The following RBPJ variants were observed in gnomAD, a reference collection of about 807,000 sequenced individuals.
RBPJ encodes the protein recombining binding protein suppressor of hairless.
In RBPJ, 9 loss-of-function variants were observed where a neutral mutation model predicts 67.8. The observed-to-expected ratio is 0.13, with a 90% CI of 0.08 to 0.23. The LOEUF (loss-of-function observed/expected upper bound fraction) is 0.23, where lower values mean the gene tolerates loss of function less well. RBPJ is among the 10% of genes least tolerant of loss of function. The pLI, the probability that RBPJ is intolerant of heterozygous loss-of-function variation, is 1.00. For missense variants in RBPJ, 305 were observed against 595.6 expected, an observed-to-expected ratio of 0.51 and a Z score of 5.08; for synonymous variants, 198 against 203.3, an observed-to-expected ratio of 0.97 and a Z score of 0.22.
intron 2 of RBPJ, among the ~76,000 whole-genome samples, chr4:26,394,098 C>T (rs1028443423): frequency 2.7e-5 from 4 of 150,328 alleles, no homozygotes; most frequent in Non-Finnish European, 5.9e-5. Context: ...GCGATCTCTG[C>T]TCATTGCAAG....
At chr4:26,261,581 C>T (rs990220912) in intron 1 of RBPJ, among the ~76,000 whole-genome samples, 1 of 152,040 alleles carries the variant, frequency 6.6e-6, no homozygotes, top group African/African-American at 2.4e-5. Flanking sequence ...TTTTTGACAA[C>T]GTTGCAAAAT....
intron 1 of RBPJ, among the ~76,000 whole-genome samples, chr4:26,295,387 A>G (rs1456367865): frequency 6.6e-6 from 1 of 152,100 alleles, no homozygotes; most frequent in Non-Finnish European, 1.5e-5. Flanking sequence ...CATTGTAAGT[A>G]GTTAATGCTA....
upstream of RBPJ, among the ~76,000 whole-genome samples, chr4:26,160,972 G>T (rs1354043341): frequency 1.3e-5 from 2 of 152,210 alleles, no homozygotes; most frequent in Non-Finnish European, 2.9e-5. Flanking sequence ...TCTGGATGAT[G>T]ATGGTAATTG....
intron 1 of RBPJ, among the ~76,000 whole-genome samples, chr4:26,337,435 GCT>G (rs1025757347): frequency 3.9e-5 from 6 of 151,920 alleles, no homozygotes; most frequent in African/African-American, 1.4e-4. Context: ...TCTTCTTGTT[GCT>G]TGGGTGGTTA....
chr4:26,105,936 T>C, the RBPJ span, among the ~76,000 whole-genome samples: 2 of 152,160 alleles, frequency 1.3e-5, no homozygotes, highest in East Asian at 1.9e-4. Context: ...TCCAGTGTCA[T>C]GGAGTGCGAT....
chr4:26,417,503 AG>A (rs1398572929), intron 4 of RBPJ, among the ~76,000 whole-genome samples: 3 of 152,222 alleles, frequency 2.0e-5, no homozygotes, highest in African/African-American at 7.2e-5. Context: ...TAAAATACCT[AG>A]TAATAGGTTA....
intron 1 of RBPJ, among the ~76,000 whole-genome samples, chr4:26,367,251 G>A (rs564168727): frequency 1.3e-5 from 2 of 152,312 alleles, no homozygotes; most frequent in East Asian, 3.9e-4. Flanking sequence ...GGGAAGCCGA[G>A]GTGGGCAGAC....
intron 1 of RBPJ, among the ~76,000 whole-genome samples, chr4:26,228,139 G>T (rs1370463536): frequency 6.6e-6 from 1 of 152,164 alleles, no homozygotes; most frequent in Non-Finnish European, 1.5e-5. Flanking sequence ...TGTCTCACAG[G>T]TACTCTCATG....
chr4:26,234,306 T>A (rs1010151507), intron 1 of RBPJ, among the ~76,000 whole-genome samples: 1 of 152,208 alleles, frequency 6.6e-6, no homozygotes, highest in Non-Finnish European at 1.5e-5. Flanking sequence ...ATTTATTAAG[T>A]CTGTGGTACA....
intron 1 of RBPJ, among the ~76,000 whole-genome samples, chr4:26,201,598 A>G (rs772147379): frequency 1.7e-4 from 26 of 152,136 alleles, no homozygotes; most frequent in Non-Finnish European, 2.9e-4. Flanking sequence ...TTCACCCTCA[A>G]CACACATGAC....
intron 1 of RBPJ, among the ~76,000 whole-genome samples, chr4:26,352,182 A>G (rs567967232): frequency 7.8e-4 from 118 of 152,178 alleles, no homozygotes; most frequent in Non-Finnish European, 1.5e-3. Context: ...AATACCGTAA[A>G]CTAGGTAGCT....
At chr4:26,349,525 T>A (rs1726579874) in intron 1 of RBPJ, among the ~76,000 whole-genome samples, 1 of 152,256 alleles carries the variant, frequency 6.6e-6, no homozygotes, top group African/African-American at 2.4e-5. Context: ...GTAAGTGATT[T>A]TCTTAGCTGA....
the RBPJ span, among the ~76,000 whole-genome samples, chr4:26,153,758 A>G: frequency 2.0e-5 from 3 of 152,188 alleles, no homozygotes; most frequent in Non-Finnish European, 4.4e-5. Context: ...CAGTGTTAAC[A>G]TCATCTTCAC....
chr4:26,212,308 C>T (rs1002569883), intron 1 of RBPJ, among the ~76,000 whole-genome samples: 27 of 151,998 alleles, frequency 1.8e-4, no homozygotes, highest in Non-Finnish European at 3.5e-4. Context: ...GTTCCTGGCT[C>T]ATAACTTCCA....
At chr4:26,392,598 A>C (rs1731625869) in intron 2 of RBPJ, among the ~76,000 whole-genome samples, 1 of 152,240 alleles carries the variant, frequency 6.6e-6, no homozygotes, top group Non-Finnish European at 1.5e-5. Context: ...ACTTACATAG[A>C]ATTATAAAAA....
chr4:26,123,775 T>TC, the RBPJ span, among the ~76,000 whole-genome samples: 2 of 152,148 alleles, frequency 1.3e-5, no homozygotes, highest in African/African-American at 4.8e-5. Context: ...AGCCTGTGCC[T>TC]CCACAGGGTC....
At chr4:26,302,149 G>C (rs1425489118) in intron 1 of RBPJ, among the ~76,000 whole-genome samples, 1 of 152,158 alleles carries the variant, frequency 6.6e-6, no homozygotes, top group Non-Finnish European at 1.5e-5. Flanking sequence ...TGTTAGAAGA[G>C]TATAACAACA....
chr4:26,275,954 G>T (rs1721067311), intron 1 of RBPJ, among the ~76,000 whole-genome samples: 1 of 150,478 alleles, frequency 6.6e-6, no homozygotes, highest in Non-Finnish European at 1.5e-5. Context: ...GCTGAAAAAG[G>T]ATACTTAGTG....
rs1469728194 is a variant in RBPJ at position 26,244,237 on chromosome 4, C to G, written c.-167+80623C>G. Among the ~76,000 whole-genome samples the G allele has an allele frequency of 8.8e-4, 7 of 7,974 alleles. No homozygotes were observed. In the South Asian group the frequency reaches 0.026, roughly 29 times the overall value. 5.2% of individuals were successfully genotyped at this position (7,974 alleles called of 152,430 possible). On this transcript the variant is annotated intron_variant, in intron 1 of 4. Transcript: ENST00000512351. Reference sequence around the variant, plus strand: ...CACATATGTGTACACATATATGTGTCTATATATGTGTACACATACACATAT... The same window carrying G: ...CACATATGTGTACACATATATGTGTGTATATATGTGTACACATACACATAT...
Sources: allele counts gnomAD v4.1 joint callset (sites outside exome capture counted in the v4.1 genomes callset), GRCh38; gene constraint gnomAD v4.1.1; transcripts MANE v1.5; gene names NCBI Gene and HGNC (gene_info 2026-07-23, HGNC 2026-07-21).